Variants in SHROOM4 observed in about 807,000 individuals in gnomAD.
The protein encoded by SHROOM4 is shroom family member 4, also known as protein Shroom4.
In SHROOM4, 17 loss-of-function variants were observed where a neutral mutation model predicts 80.3. The observed-to-expected ratio is 0.21, with a 90% CI of 0.14 to 0.32. The LOEUF is 0.32. SHROOM4 is among the 10% of genes least tolerant of loss of function. The probability of loss-of-function intolerance (pLI) is 1.00; values close to 1 mark genes in which losing one functional copy is unlikely to be tolerated. For missense variants in SHROOM4, 993 were observed against 1,140.3 expected (o/e 0.87, Z 1.86); for synonymous variants, 400 against 437.5 (o/e 0.91, Z 1.07).
At chrX:50,715,637 G>A (rs1016349315) in intron 1 of SHROOM4, among the ~76,000 whole-genome samples, 3 of 111,019 alleles carry the variant, frequency 2.7e-5, no homozygotes, top group Admixed American at 9.6e-5. Flanking sequence ...AAATCACAAC[G>A]AGATATCACT....
chrX:50,665,388 A>G (rs1294316787), intron 2 of SHROOM4, among the ~76,000 whole-genome samples: 2 of 111,287 alleles, frequency 1.8e-5, no homozygotes, highest in East Asian at 5.7e-4. Context: ...TCTGGGCTTT[A>G]CTGGGGTGTC....
At chrX:50,618,533 G>A (rs982986352) in intron 5 of SHROOM4, among the ~76,000 whole-genome samples, 4 of 108,963 alleles carry the variant, frequency 3.7e-5, no homozygotes, top group Admixed American at 9.9e-5. Context: ...CAGCCTCCCC[G>A]TGTGCCACCA....
chrX:50,766,743 T>C (rs1251726736), intron 1 of SHROOM4, among the ~76,000 whole-genome samples: 1 of 111,575 alleles, frequency 9.0e-6, no homozygotes, highest in African/African-American at 3.3e-5. Flanking sequence ...TAAAAAGGAA[T>C]AGTTTTGCAT....
At chrX:50,627,846 G>A (rs1357452444) in intron 4 of SHROOM4, among the ~76,000 whole-genome samples, 171 bp from the exon 5 acceptor site, 2 of 111,541 alleles carry the variant, frequency 1.8e-5, no homozygotes, top group Non-Finnish European at 3.8e-5. Flanking sequence ...CCTTTCTGTC[G>A]GCAGGCTTGC....
At chrX:50,624,128 G>A (rs782815840) in intron 5 of SHROOM4, among the ~76,000 whole-genome samples, 1 of 111,750 alleles carries the variant, frequency 8.9e-6, no homozygotes, top group Non-Finnish European at 1.9e-5. Flanking sequence ...TCATTGAATT[G>A]TACACTTAGA....
chrX:50,710,295 A>T (rs1933779427), intron 1 of SHROOM4, among the ~76,000 whole-genome samples: 1 of 111,819 alleles, frequency 8.9e-6, no homozygotes, highest in South Asian at 3.7e-4. Context: ...TCAGATAAAG[A>T]AAAGGTGATA....
rs1928768578 is a variant in SHROOM4 at position 50,586,864 on chromosome X, G to C, written c.*9831C>G. On this transcript the variant is annotated 3_prime_UTR_variant, in exon 9 of 9. Coordinates refer to ENST00000376020, the MANE Select transcript of SHROOM4 (RefSeq NM_020717.5). ...GATGTTTTGACATCCATTACATAGT[G>C]AAATGATTGCTACAGTCATGCAAAT... Among the ~76,000 whole-genome samples the C allele has an allele frequency of 9.0e-6, 1 of 111,080 alleles. No individual in the cohort carries two copies. Among genetic ancestry groups the C allele is most frequent in the Non-Finnish European group, 1.9e-5 (1 of 53,117 alleles).
intron 1 of SHROOM4, among the ~76,000 whole-genome samples, chrX:50,786,913 A>C (rs1374114400): frequency 4.5e-5 from 5 of 111,478 alleles, no homozygotes; most frequent in Non-Finnish European, 9.4e-5. Context: ...AAGAGATATA[A>C]AATATATATA....
Position 50,634,563 on chromosome X carries a change from G to C in SHROOM4, c.1510C>G (p.Pro504Ala). The change falls in exon 4 of 9, where the codon CCC (proline) becomes GCC (alanine). Residue 504 changes from proline (P) to alanine (A), a missense_variant. Transcript: ENST00000376020. The stretch of plus-strand genomic sequence containing the variant: ...GGGTCCAGGAAACCTTTTTCTGAGG[G>C]GTGTCCATCAGCCTCTCCATGTGGG... ...SPPHGEADGH[P>A]SEKGFLDPNR... The C allele has an allele frequency of 8.3e-7, 1 of 1,211,685 alleles. No individual in the cohort carries two copies. The highest frequency in any genetic ancestry group is 1.1e-6 in the Non-Finnish European group (1 of 895,523).
Position 50,814,171 on chromosome X carries a change from G to T in SHROOM4, c.-153C>A. 1 of 469,886 alleles carries T rather than the reference G, an allele frequency of 2.1e-6. No homozygotes were observed. The highest frequency in any genetic ancestry group is 3.1e-5 in the South Asian group (1 of 31,968). 38.7% of individuals were successfully genotyped at this position (469,886 alleles called of 1,213,427 possible). On this transcript the variant is annotated 5_prime_UTR_variant, in exon 1 of 9. Transcript: ENST00000376020. ...TCCCGGCTGGAGACGCTCAGGCAGCGAGCGAGCGCAAGGAGGAAATGACAC... is the reference window on the plus strand; with the variant it reads ...TCCCGGCTGGAGACGCTCAGGCAGCTAGCGAGCGCAAGGAGGAAATGACAC...
At chrX:50,746,893 G>C (rs1557267639) in intron 1 of SHROOM4, among the ~76,000 whole-genome samples, 1 of 112,024 alleles carries the variant, frequency 8.9e-6, no homozygotes, top group East Asian at 2.8e-4. Flanking sequence ...ACTCCAGCAG[G>C]CTTAGCTGTT....
At chrX:50,669,892 G>A (rs1932777055) in intron 2 of SHROOM4, among the ~76,000 whole-genome samples, 1 of 111,214 alleles carries the variant, frequency 9.0e-6, no homozygotes, top group Non-Finnish European at 1.9e-5. Flanking sequence ...TTCCACAGAA[G>A]TCTTGAACCC....
Position 50,649,617 on chromosome X carries a change from G to A in SHROOM4, c.270-11309C>T, listed in dbSNP as rs782251844. 3 of 112,264 alleles carry A rather than the reference G, an allele frequency of 2.7e-5. No individual in the cohort carries two copies. In the East Asian group the frequency reaches 8.4e-4, roughly 31 times the overall value. 9.3% of individuals were successfully genotyped at this position (112,264 alleles called of 1,213,427 possible). A position where few individuals can be genotyped will look rare whatever the true frequency, so the allele number is the denominator to read the frequency against. Reference sequence around the variant, plus strand: ...AAGGGAATTTTGGCATATGTTATCAGAAGACTTAAAATGTTTCTACTGTGC... The same window carrying A: ...AAGGGAATTTTGGCATATGTTATCAAAAGACTTAAAATGTTTCTACTGTGC... On this transcript the variant is annotated intron_variant, in intron 2 of 8. Coordinates refer to ENST00000376020, the MANE Select transcript of SHROOM4 (RefSeq NM_020717.5).
intron 6 of SHROOM4, among the ~76,000 whole-genome samples, chrX:50,603,855 A>G (rs782369090): frequency 8.9e-6 from 1 of 111,947 alleles, no homozygotes; most frequent in Admixed American, 9.4e-5. Context: ...GGTCTCAGCG[A>G]TGGAGGGGCA....
intron 1 of SHROOM4, among the ~76,000 whole-genome samples, chrX:50,789,651 CATAA>C (rs1557271368): frequency 9.0e-6 from 1 of 111,595 alleles, no homozygotes; most frequent in African/African-American, 3.2e-5. Context: ...AAGATTAGAA[CATAA>C]ATAAACAATA....
intron 2 of SHROOM4, among the ~76,000 whole-genome samples, chrX:50,651,630 C>A (rs1358977309): frequency 1.8e-5 from 2 of 111,439 alleles, no homozygotes; most frequent in African/African-American, 6.5e-5. Context: ...ATGTGCAGAA[C>A]GTGCAGGTTT....
At position 50,634,299 on chromosome X, in the gene SHROOM4, G is replaced by A. The variant is rs782276885; in HGVS notation, c.1774C>T (p.Leu592=). 2 of 1,211,306 alleles carry A rather than the reference G, an allele frequency of 1.7e-6. No individual in the cohort carries two copies. The highest frequency in any genetic ancestry group is 1.8e-5 in the South Asian group (1 of 56,915). Residue 592 remains leucine, a synonymous_variant, in exon 4 of 9, where the codon CTG becomes TTG. Transcript: ENST00000376020. ...RRKSERFATN[L]RNEIQRRKAQ... Reference sequence around the variant, plus strand: ...TTCCTCCTCTGAATTTCATTACGCAGATTGGTAGCAAAACGCTCACTCTTC... The same window carrying A: ...TTCCTCCTCTGAATTTCATTACGCAAATTGGTAGCAAAACGCTCACTCTTC...
At chrX:50,689,604 G>A (rs1233297390) in intron 2 of SHROOM4, among the ~76,000 whole-genome samples, 3 of 111,503 alleles carry the variant, frequency 2.7e-5, no homozygotes, top group African/African-American at 9.8e-5. Context: ...CATTACGAAT[G>A]ACATAAATTT....
intron 2 of SHROOM4, among the ~76,000 whole-genome samples, chrX:50,690,996 T>C (rs943381802): frequency 1.2e-4 from 13 of 112,714 alleles, no homozygotes; most frequent in Non-Finnish European, 2.4e-4. Flanking sequence ...CTTTTCTTTG[T>C]GACATACATA....
Sources: gnomAD v4.1 joint callset for allele counts (sites outside exome capture counted in the v4.1 genomes callset) on GRCh38, gnomAD v4.1.1 for gene constraint, MANE v1.5 for transcripts, NCBI Gene and HGNC (gene_info 2026-07-23, HGNC 2026-07-21) for gene names.